HPSE2: variants seen among roughly 807,000 people sequenced by gnomAD.
The protein encoded by HPSE2 is inactive heparanase-2.
In HPSE2, 38 loss-of-function variants were observed where a neutral mutation model predicts 60.5. The ratio of observed to expected loss-of-function variants is 0.63; its 90% CI spans 0.48 to 0.82. The LOEUF (loss-of-function observed/expected upper bound fraction) is 0.82. Ranked by LOEUF, HPSE2 falls within the 40% of genes least tolerant of loss-of-function variation. HPSE2 has a pLI of 0.00. For synonymous variants in HPSE2, 295 were observed against 293.2 expected (o/e 1.01, Z -0.06); for missense variants, 713 against 740.4 (o/e 0.96, Z 0.43).
chr10:99,151,202 A>G (rs1846249214), intron 2 of HPSE2, among the ~76,000 whole-genome samples: 1 of 152,034 alleles, frequency 6.6e-6, no homozygotes, highest in Non-Finnish European at 1.5e-5. Flanking sequence ...GCTATAACCT[A>G]TCTAAAATGG....
intron 3 of HPSE2, among the ~76,000 whole-genome samples, chr10:98,799,320 G>A (rs1323913463): frequency 6.6e-6 from 1 of 152,098 alleles, no homozygotes; most frequent in Non-Finnish European, 1.5e-5. Flanking sequence ...GAGAGAGATA[G>A]GGCCCAATAC....
intron 3 of HPSE2, among the ~76,000 whole-genome samples, chr10:99,021,074 A>C (rs1957251009): frequency 1.3e-5 from 2 of 152,198 alleles, no homozygotes; most frequent in Non-Finnish European, 2.9e-5. Flanking sequence ...ACTCGAAATT[A>C]TCTGATCCCT....
At chr10:98,645,319 T>C (rs952842364) in intron 6 of HPSE2, among the ~76,000 whole-genome samples, 1 of 151,918 alleles carries the variant, frequency 6.6e-6, no homozygotes, top group Non-Finnish European at 1.5e-5. Flanking sequence ...GACGTGGGGG[T>C]CTTTTTCAGG....
rs971005113 is a variant in HPSE2, at chr10:98,745,341, T to A, written c.611-1285A>T. 3.9e-5 allele frequency among the ~76,000 whole-genome samples: 6 copies of A among 152,252 alleles called. 1 individual carries two copies. The East Asian group carries it at 1.2e-3, about 29-fold the overall frequency. Reference sequence around the variant, plus strand: ...CACCATTCTTTTTCTGGCTGTCATTTACACTTGGATAACTTACTATAATCT... The same window carrying A: ...CACCATTCTTTTTCTGGCTGTCATTAACACTTGGATAACTTACTATAATCT... On this transcript the variant is annotated intron_variant, in intron 3 of 11. Coordinates refer to ENST00000370552, the MANE Select transcript of HPSE2 (RefSeq NM_021828.5).
intron 3 of HPSE2, among the ~76,000 whole-genome samples, chr10:99,093,586 A>G (rs1029232026): frequency 4.6e-5 from 7 of 152,172 alleles, no homozygotes; most frequent in Non-Finnish European, 7.4e-5. Context: ...TTCTTCCAAG[A>G]TGGTGCCTTG....
chr10:99,183,143 A>G (rs1589788726), intron 2 of HPSE2, among the ~76,000 whole-genome samples: 1 of 152,074 alleles, frequency 6.6e-6, no homozygotes, highest in Admixed American at 6.5e-5. Flanking sequence ...AGGCAGGAGG[A>G]TTCCAAACAG....
intron 7 of HPSE2, among the ~76,000 whole-genome samples, chr10:98,636,157 T>A (rs527450141): frequency 2.7e-4 from 41 of 152,328 alleles, no homozygotes; most frequent in African/African-American, 9.6e-4. Context: ...GTACAATTTC[T>A]AATGGCTAGA....
intron 3 of HPSE2, among the ~76,000 whole-genome samples, chr10:98,858,264 A>C (rs1424520610): frequency 2.0e-5 from 3 of 152,216 alleles, no homozygotes; most frequent in African/African-American, 7.2e-5. Flanking sequence ...CAGAAACTGT[A>C]AATTCTGCCA....
chr10:99,157,284 G>A (rs1454784463), intron 2 of HPSE2, among the ~76,000 whole-genome samples: 8 of 56,882 alleles, frequency 1.4e-4, no homozygotes, highest in African/African-American at 4.5e-4. Flanking sequence ...AAAAGAGCCC[G>A]CATCGCCAAG....
At chr10:99,284,017 T>G in the HPSE2 span, among the ~76,000 whole-genome samples, 1 of 152,080 alleles carries the variant, frequency 6.6e-6, no homozygotes, top group Non-Finnish European at 1.5e-5. Context: ...GAAGAAACAT[T>G]TACTCACTCT....
chr10:99,304,132 C>A, the HPSE2 span, among the ~76,000 whole-genome samples: 2 of 152,200 alleles, frequency 1.3e-5, no homozygotes, highest in South Asian at 2.1e-4. Context: ...CAGGACTCAG[C>A]TCCAGAGGTG....
chr10:98,889,514 T>C (rs776162637), intron 3 of HPSE2, among the ~76,000 whole-genome samples: 5 of 152,068 alleles, frequency 3.3e-5, no homozygotes, highest in African/African-American at 4.8e-5. Flanking sequence ...AGCCGGTTTT[T>C]AAACTTTTAT....
intron 2 of HPSE2, among the ~76,000 whole-genome samples, chr10:99,214,070 G>A (rs1274875247): frequency 6.6e-6 from 1 of 152,070 alleles, no homozygotes; most frequent in Non-Finnish European, 1.5e-5. Flanking sequence ...TTTCTCAAAA[G>A]AAGATCTACA....
the HPSE2 span, among the ~76,000 whole-genome samples, chr10:99,279,622 A>C: frequency 6.6e-6 from 1 of 152,236 alleles, no homozygotes; most frequent in Admixed American, 6.5e-5. Context: ...ACAACTCCAT[A>C]AGTAAATATG....
chr10:98,962,867 C>A (rs991678289), intron 3 of HPSE2, among the ~76,000 whole-genome samples: 5 of 152,034 alleles, frequency 3.3e-5, no homozygotes, highest in Non-Finnish European at 5.9e-5. Context: ...AGGAATCCAA[C>A]TTACAAGGGA....
At position 98,475,639 on chromosome 10, in the gene HPSE2, C is replaced by T. The variant is rs548329050; in HGVS notation, c.1613+6997G>A. ...GTTGAAGGTGCCTGTGTATATGGGG[C>T]GGGAATATAACCTATTGATATAGAT... On this transcript the variant is annotated intron_variant, in intron 11 of 11. Transcript: ENST00000370552. Among the ~76,000 whole-genome samples the T allele has an allele frequency of 1.1e-4, 16 of 152,024 alleles. No homozygotes were observed. In the East Asian group the frequency reaches 1.9e-3, roughly 18 times the overall value.
chr10:98,909,452 A>T (rs1186158083), intron 3 of HPSE2, among the ~76,000 whole-genome samples: 2 of 151,570 alleles, frequency 1.3e-5, no homozygotes, highest in African/African-American at 4.9e-5. Context: ...AACATGGTGA[A>T]ACCCTGTCTC....
chr10:98,582,090 C>G (rs912961421), intron 9 of HPSE2, among the ~76,000 whole-genome samples: 23 of 152,244 alleles, frequency 1.5e-4, no homozygotes, highest in African/African-American at 5.3e-4. Flanking sequence ...TGCACTTAAA[C>G]AGAGGGTTCG....
At chr10:99,097,361 A>T (rs1474287821) in intron 3 of HPSE2, among the ~76,000 whole-genome samples, 1 of 152,220 alleles carries the variant, frequency 6.6e-6, no homozygotes, top group Non-Finnish European at 1.5e-5. Context: ...CCTCTTTTAC[A>T]TCTTAAGAGA....
Sources: allele counts gnomAD v4.1 joint callset (sites outside exome capture counted in the v4.1 genomes callset), GRCh38; gene constraint gnomAD v4.1.1; transcripts MANE v1.5; gene names NCBI Gene and HGNC (gene_info 2026-07-23, HGNC 2026-07-21).